The following IGF2BP1 variants were observed in gnomAD, a reference collection of about 807,000 sequenced individuals.
The protein encoded by IGF2BP1 is insulin like growth factor 2 mRNA binding protein 1.
IGF2BP1 carries 11 observed loss-of-function variants against 74.9 expected under a neutral mutation model. The observed-to-expected ratio is 0.15, with a 90% CI of 0.09 to 0.24. IGF2BP1 has a LOEUF of 0.24. Ranked by LOEUF, IGF2BP1 falls within the 10% of genes least tolerant of loss-of-function variation. IGF2BP1 has a pLI of 1.00. For missense variants in IGF2BP1, 440 were observed against 757.4 expected (o/e 0.58, Z 4.92); for synonymous variants, 287 against 281.8 (o/e 1.02, Z -0.18).
chr17:49,024,329 A>C (rs1044921026), intron 2 of IGF2BP1, among the ~76,000 whole-genome samples: 2 of 151,820 alleles, frequency 1.3e-5, no homozygotes, highest in Non-Finnish European at 2.9e-5. Flanking sequence ...TGGGAGGATC[A>C]CTCGATCGCA....
intron 1 of IGF2BP1, among the ~76,000 whole-genome samples, chr17:48,998,779 C>A (rs1340433530): frequency 6.6e-6 from 1 of 152,240 alleles, no homozygotes; most frequent in African/African-American, 2.4e-5. Context: ...TCTTTCCTGG[C>A]TCCTTCCCAC....
chr17:49,046,179 C>T, intron 13 of IGF2BP1, 81 bp from the exon 14 acceptor site: 1 of 1,443,938 alleles, frequency 6.9e-7, no homozygotes, highest in Non-Finnish European at 9.7e-7. Context: ...AGGTTCTCCC[C>T]ACTAGTCACC....
At chr17:49,033,601 C>T (rs1385941628) in intron 5 of IGF2BP1, among the ~76,000 whole-genome samples, 2 of 152,142 alleles carry the variant, frequency 1.3e-5, no homozygotes, top group Non-Finnish European at 2.9e-5. Flanking sequence ...CCTCAGCCCC[C>T]CAGAGTGCTG....
At chr17:49,019,853 C>T (rs1253776935) in intron 2 of IGF2BP1, among the ~76,000 whole-genome samples, 1 of 132,652 alleles carries the variant, frequency 7.5e-6, no homozygotes, top group Non-Finnish European at 1.6e-5. Context: ...AGGTGATCCT[C>T]CCATCTCAGC....
At position 49,055,836 on chromosome 17, in the gene IGF2BP1, GT is replaced by G. The variant is rs59508101; in HGVS notation, c.*6414del. ...AGCTGGAGGCCTACTGCTTGGGACAGTTTTTTTTTTTTTTTTTTTTTTAAAT... is the reference window on the plus strand; with the variant it reads ...AGCTGGAGGCCTACTGCTTGGGACAGTTTTTTTTTTTTTTTTTTTTTAAAT... On this transcript the variant is annotated 3_prime_UTR_variant, in exon 15 of 15. Coordinates refer to ENST00000290341, the MANE Select transcript of IGF2BP1 (RefSeq NM_006546.4). Among the ~76,000 whole-genome samples the G allele has an allele frequency of 0.01, 1,302 of 125,848 alleles. 8 individuals carry two copies. Among genetic ancestry groups the G allele is most frequent in the East Asian group, 0.014 (60 of 4,154 alleles). 82.6% of individuals were successfully genotyped at this position (125,848 alleles called of 152,430 possible). A position where few individuals can be genotyped will look rare whatever the true frequency, so the allele number is the denominator to read the frequency against.
chr17:49,034,765 C>CAA (rs759683218), intron 5 of IGF2BP1, among the ~76,000 whole-genome samples: 2 of 137,520 alleles, frequency 1.5e-5, no homozygotes, highest in African/African-American at 5.6e-5. Flanking sequence ...ACAAAAAAAA[C>CAA]AAAAAAAACG....
intron 2 of IGF2BP1, among the ~76,000 whole-genome samples, chr17:49,004,029 G>T (rs978518642): frequency 6.6e-6 from 1 of 152,066 alleles, no homozygotes; most frequent in Non-Finnish European, 1.5e-5. Flanking sequence ...TTCCTGGAGC[G>T]CTCGCCCCGG....
Position 49,021,965 on chromosome 17 carries a change from A to G in IGF2BP1, c.237-3653A>G, listed in dbSNP as rs1262689007. ...CCACCAGTGCAGAAGTAAAATCTTA[A>G]TAACTGTTAACTATTGTCAGCCCTA... On this transcript the variant is annotated intron_variant, in intron 2 of 14. Transcript: ENST00000290341. Among the ~76,000 whole-genome samples the G allele has an allele frequency of 2.6e-5, 4 of 152,170 alleles. No homozygotes were observed. In the East Asian group the frequency reaches 7.7e-4, roughly 29 times the overall value.
rs1055310191 is a variant in IGF2BP1, at chr17:49,050,784, G to A, written c.*1340G>A. The stretch of plus-strand genomic sequence containing the variant: ...ATAAGCTTAATTTATTAATTTACCA[G>A]GCTTAATTAAGATCCCATGGAGTGT... On this transcript the variant is annotated 3_prime_UTR_variant, in exon 15 of 15. Transcript: ENST00000290341. 3.9e-5 allele frequency: 6 copies of A among 152,626 alleles called. No homozygotes were observed. The highest frequency in any genetic ancestry group is 1.4e-4 in the African/African-American group (6 of 41,450). 9.5% of individuals were successfully genotyped at this position (152,626 alleles called of 1,614,324 possible).
intron 2 of IGF2BP1, chr17:49,004,660 A>G (rs957495341): frequency 6.6e-6 from 1 of 152,164 alleles, no homozygotes; most frequent in African/African-American, 2.4e-5. Flanking sequence ...GGTTCTATCC[A>G]TGGATTTTGT....
rs1354240668 is a variant in IGF2BP1 at position 48,999,188 on chromosome 17, C to T, written c.236+19C>T. The stretch of plus-strand genomic sequence containing the variant: ...AACAAAGGTAGGAAAGAGCTCTTTT[C>T]GGGGGGGGTGGGGGGGCCGCGGGGG... On this transcript the variant is annotated intron_variant, in intron 2 of 14. Transcript: ENST00000290341. 1.6e-5 allele frequency: 8 copies of T among 515,762 alleles called. No homozygotes were observed. The Admixed American group carries it at 2.7e-4, about 17-fold the overall frequency. 31.9% of individuals were successfully genotyped at this position (515,762 alleles called of 1,614,324 possible).
At chr17:49,032,194 A>G (rs1056045793) in intron 5 of IGF2BP1, among the ~76,000 whole-genome samples, 11 of 152,212 alleles carry the variant, frequency 7.2e-5, no homozygotes, top group African/African-American at 2.4e-4. Flanking sequence ...GCTCAGAAAC[A>G]TCAAGATTGA....
intron 2 of IGF2BP1, chr17:49,014,721 TA>T: frequency 4.1e-6 from 4 of 970,858 alleles, no homozygotes; most frequent in Non-Finnish European, 4.9e-6. Context: ...GGCCGCCACT[TA>T]TGGACACGCA....
chr17:48,996,674 C>A (rs1030024020), upstream of IGF2BP1, among the ~76,000 whole-genome samples: 2 of 152,306 alleles, frequency 1.3e-5, no homozygotes, highest in African/African-American at 4.8e-5. Flanking sequence ...GAAACGTTAT[C>A]ATTTAACAGC....
intron 1 of IGF2BP1, among the ~76,000 whole-genome samples, chr17:48,998,135 C>T (rs1251457257): frequency 2.0e-5 from 3 of 151,932 alleles, no homozygotes; most frequent in Non-Finnish European, 2.9e-5. Context: ...TCATCCCTTT[C>T]TCCCAGCCTG....
chr17:49,000,102 T>G (rs1258193329), intron 2 of IGF2BP1, among the ~76,000 whole-genome samples: 1 of 152,118 alleles, frequency 6.6e-6, no homozygotes, highest in Admixed American at 6.6e-5. Flanking sequence ...CTGGGAAGTA[T>G]AAGGGCAGAG....
intron 2 of IGF2BP1, among the ~76,000 whole-genome samples, chr17:49,006,118 A>G (rs1331270022): frequency 1.3e-5 from 2 of 152,214 alleles, no homozygotes; most frequent in Non-Finnish European, 2.9e-5. Flanking sequence ...CTTGAAATGG[A>G]AAATGTTAAG....
chr17:49,010,591 C>T (rs1423265601), intron 2 of IGF2BP1, among the ~76,000 whole-genome samples: 1 of 152,112 alleles, frequency 6.6e-6, no homozygotes, highest in Non-Finnish European at 1.5e-5. Flanking sequence ...GCAGTCACCT[C>T]TTCATCCTAA....
rs1205222427 is a variant in IGF2BP1, at chr17:49,037,290, C to T, written c.402-878C>T. On this transcript the variant is annotated intron_variant, in intron 5 of 14. Transcript: ENST00000290341. ...AGGAAAATGCTGGAAAGAAAATTCT[C>T]TATTGAAAGGACGTCTAACTGCTCA... is the stretch of plus-strand genomic sequence containing the variant. 4 of 465,760 alleles carry T rather than the reference C, an allele frequency of 8.6e-6. No individual in the cohort carries two copies. The Admixed American group carries it at 1.2e-4, about 14-fold the overall frequency. The allele number at this position is 465,760 out of a possible 1,614,324, so 28.9% of individuals were successfully genotyped here.
Sources: allele counts gnomAD v4.1 joint callset (sites outside exome capture counted in the v4.1 genomes callset), GRCh38; gene constraint gnomAD v4.1.1; transcripts MANE v1.5; gene names NCBI Gene and HGNC (gene_info 2026-07-23, HGNC 2026-07-21).